Variants in METTL15 observed in about 807,000 individuals in gnomAD.
METTL15 encodes the protein 12S rRNA N(4)-cytidine methyltransferase METTL15.
A neutral mutation model predicts 38.3 loss-of-function variants in METTL15; 34 were observed. The ratio of observed to expected loss-of-function variants is 0.89; its 90% CI spans 0.68 to 1.18. The LOEUF is 1.18. METTL15 is among the 50% of genes most tolerant of loss of function. The pLI is 0.00. For synonymous variants in METTL15, 162 were observed against 170.9 expected, an observed-to-expected ratio of 0.95 and a Z score of 0.41; for missense variants, 438 against 498.4, an observed-to-expected ratio of 0.88 and a Z score of 1.15.
At chr11:28,484,098 G>A (rs200379475) in intron 6 of METTL15, among the ~76,000 whole-genome samples, 29 of 152,152 alleles carry the variant, frequency 1.9e-4, no homozygotes, top group East Asian at 7.7e-4. Flanking sequence ...GTATAATAAC[G>A]GTGATGGTGA....
At chr11:28,245,609 G>A (rs1854477969) in intron 4 of METTL15, among the ~76,000 whole-genome samples, 1 of 152,130 alleles carries the variant, frequency 6.6e-6, no homozygotes, top group South Asian at 2.1e-4. Context: ...TATACCTTTG[G>A]TAAGTATATT....
intron 3 of METTL15, among the ~76,000 whole-genome samples, chr11:28,160,304 G>A (rs552861212): frequency 2.6e-5 from 4 of 151,604 alleles, no homozygotes; most frequent in Non-Finnish European, 4.4e-5. Context: ...CGTTAGTTCT[G>A]TTCCTTTAGA....
chr11:28,275,497 TG>T (rs1189589819), intron 4 of METTL15, among the ~76,000 whole-genome samples: 1 of 151,946 alleles, frequency 6.6e-6, no homozygotes, highest in East Asian at 1.9e-4. Flanking sequence ...CAGGACTATA[TG>T]GATTCATAGC....
intron 6 of METTL15, among the ~76,000 whole-genome samples, chr11:28,485,842 T>A (rs4923542): frequency 6.6e-6 from 1 of 151,864 alleles, no homozygotes; most frequent in Non-Finnish European, 1.5e-5. Flanking sequence ...CAGAGAGGGC[T>A]CTTTCTGGCT....
At chr11:28,486,003 G>A (rs1469113334) in intron 6 of METTL15, among the ~76,000 whole-genome samples, 1 of 152,118 alleles carries the variant, frequency 6.6e-6, no homozygotes, top group Non-Finnish European at 1.5e-5. Flanking sequence ...AATCTTAAAT[G>A]TCCTCTAAAA....
intron 6 of METTL15, among the ~76,000 whole-genome samples, chr11:28,486,536 G>A (rs1851440961): frequency 6.6e-6 from 1 of 152,208 alleles, no homozygotes; most frequent in Admixed American, 6.5e-5. Flanking sequence ...GCCTTTCAAT[G>A]TTTCTGTTTA....
intron 6 of METTL15, among the ~76,000 whole-genome samples, chr11:28,513,089 A>C (rs1277667566): frequency 1.5e-4 from 1 of 6,670 alleles, no homozygotes; most frequent in Non-Finnish European, 2.7e-4. Context: ...GTACTTAGAC[A>C]CTGAAATGAT....
intron 5 of METTL15, among the ~76,000 whole-genome samples, chr11:28,397,079 C>T (rs1564919645): frequency 1.3e-5 from 2 of 152,032 alleles, no homozygotes; most frequent in African/African-American, 2.4e-5. Flanking sequence ...ACACTTTATA[C>T]AAAAATTAAT....
At chr11:28,335,720 T>G (rs1400485203), downstream of METTL15, among the ~76,000 whole-genome samples, 1 of 152,164 alleles carries the variant, frequency 6.6e-6, no homozygotes, top group African/African-American at 2.4e-5. Context: ...GGTTCCTCCC[T>G]CTTCTCTCTT....
At chr11:28,114,858 T>G (rs151253378) in intron 3 of METTL15, among the ~76,000 whole-genome samples, 26 of 152,334 alleles carry the variant, frequency 1.7e-4, no homozygotes, top group African/African-American at 5.8e-4. Flanking sequence ...AAACTGTTTC[T>G]CAGAGTTGAT....
At chr11:28,432,724 G>C (rs1270970134) in intron 6 of METTL15, among the ~76,000 whole-genome samples, 1 of 152,168 alleles carries the variant, frequency 6.6e-6, no homozygotes, top group African/African-American at 2.4e-5. Flanking sequence ...TCAAAGGTAT[G>C]GCAGAGTGAG....
intron 5 of METTL15, among the ~76,000 whole-genome samples, chr11:28,370,865 A>G (rs191961712): frequency 3.9e-5 from 6 of 152,072 alleles, no homozygotes; most frequent in Admixed American, 1.3e-4. Flanking sequence ...AAAAATGTCT[A>G]TTGAATGTCT....
At chr11:28,280,900 T>C (rs1018680200) in intron 4 of METTL15, among the ~76,000 whole-genome samples, 1 of 152,110 alleles carries the variant, frequency 6.6e-6, no homozygotes, top group Admixed American at 6.5e-5. Flanking sequence ...GATAAAGTTA[T>C]CTAGTTTGTC....
At chr11:28,119,170 G>A (rs1852101291) in intron 3 of METTL15, among the ~76,000 whole-genome samples, 1 of 152,046 alleles carries the variant, frequency 6.6e-6, no homozygotes, top group South Asian at 2.1e-4. Context: ...TTTCTTCATA[G>A]CAACTTAATA....
At chr11:28,317,124 AT>A (rs964494966) in intron 6 of METTL15, among the ~76,000 whole-genome samples, 22 of 151,726 alleles carry the variant, frequency 1.4e-4, no homozygotes, top group Admixed American at 9.8e-4. Context: ...TTATAACTTT[AT>A]TTTTTTTCCC....
downstream of METTL15, among the ~76,000 whole-genome samples, chr11:28,337,119 A>G (rs908643469): frequency 2.6e-5 from 4 of 152,182 alleles, no homozygotes; most frequent in African/African-American, 9.6e-5. Flanking sequence ...AGAAAAAGAT[A>G]TAAAGAAAAT....
intron 6 of METTL15, among the ~76,000 whole-genome samples, chr11:28,430,642 T>G (rs1375500815): frequency 9.8e-5 from 6 of 61,366 alleles, no homozygotes; most frequent in Admixed American, 1.5e-4. Context: ...GTCTGGGAGG[T>G]GAGGGGCGCC....
At chr11:28,484,409 C>T (rs1851421043) in intron 6 of METTL15, among the ~76,000 whole-genome samples, 3 of 152,134 alleles carry the variant, frequency 2.0e-5, no homozygotes, top group African/African-American at 2.4e-5. Flanking sequence ...TGATGTCACC[C>T]GATGAGTCCT....
intron 6 of METTL15, among the ~76,000 whole-genome samples, chr11:28,492,134 A>C (rs1342647807): frequency 6.6e-6 from 1 of 152,156 alleles, no homozygotes; most frequent in Non-Finnish European, 1.5e-5. Flanking sequence ...GTTTTTTGCT[A>C]TCAGAGAAGC....
Sources: allele counts gnomAD v4.1 joint callset (sites outside exome capture counted in the v4.1 genomes callset), GRCh38; gene constraint gnomAD v4.1.1; transcripts MANE v1.5; gene names NCBI Gene and HGNC (gene_info 2026-07-23, HGNC 2026-07-21).